The following RARB variants were observed in gnomAD, a reference collection of about 807,000 sequenced individuals.
RARB encodes HBV-activated protein.
In RARB, 17 loss-of-function variants were observed where a neutral mutation model predicts 51.9. The ratio of observed to expected loss-of-function variants is 0.33; its 90% CI spans 0.22 to 0.49. The LOEUF (loss-of-function observed/expected upper bound fraction) is 0.49. RARB is among the 20% of genes least tolerant of loss of function. The pLI is 0.99. For synonymous variants in RARB, 215 were observed against 195.4 expected, an observed-to-expected ratio of 1.10 and a Z score of -0.84; for missense variants, 369 against 550.8, an observed-to-expected ratio of 0.67 and a Z score of 3.30.
At chr3:24,890,179 G>A (rs1241937855) in intron 2 of RARB, among the ~76,000 whole-genome samples, 1 of 152,166 alleles carries the variant, frequency 6.6e-6, no homozygotes, top group African/African-American at 2.4e-5. Flanking sequence ...CTAAAAGCAC[G>A]AGTCTTTAAA....
chr3:25,311,415 T>G (rs1239012290), intron 5 of RARB, among the ~76,000 whole-genome samples: 1 of 152,242 alleles, frequency 6.6e-6, no homozygotes, highest in Non-Finnish European at 1.5e-5. Flanking sequence ...AAGGATATCT[T>G]CATATCCTCC....
chr3:24,847,922 T>G (rs1702506084), intron 1 of RARB, among the ~76,000 whole-genome samples: 1 of 152,202 alleles, frequency 6.6e-6, no homozygotes, highest in East Asian at 1.9e-4. Context: ...CATAGCCACT[T>G]CAACTGTAAG....
chr3:24,848,818 C>A (rs537801509), intron 1 of RARB, among the ~76,000 whole-genome samples: 4 of 152,342 alleles, frequency 2.6e-5, no homozygotes, highest in East Asian at 1.9e-4. Flanking sequence ...CTTAGTGTGA[C>A]CTTTCAGGCT....
intron 3 of RARB, among the ~76,000 whole-genome samples, chr3:25,559,109 C>T (rs1242844458): frequency 6.6e-6 from 1 of 152,084 alleles, no homozygotes; most frequent in Non-Finnish European, 1.5e-5. Flanking sequence ...CTTTAAAGGC[C>T]ACCGCAAACC....
At chr3:25,375,103 G>A (rs1342673633) in intron 5 of RARB, among the ~76,000 whole-genome samples, 1 of 152,126 alleles carries the variant, frequency 6.6e-6, no homozygotes, top group Non-Finnish European at 1.5e-5. Flanking sequence ...CACGGTGCTA[G>A]CCACCAAAAC....
At chr3:25,314,583 A>G (rs1704371193) in intron 5 of RARB, among the ~76,000 whole-genome samples, 2 of 152,206 alleles carry the variant, frequency 1.3e-5, no homozygotes, top group South Asian at 4.1e-4. Context: ...GTGGATTACT[A>G]CAGTCCATTC....
At chr3:25,156,526 A>G (rs1202768054) in intron 4 of RARB, among the ~76,000 whole-genome samples, 1 of 119,804 alleles carries the variant, frequency 8.3e-6, no homozygotes, top group Non-Finnish European at 2.0e-5. Flanking sequence ...CAAAAAAAAA[A>G]AAAAAAAAAA....
intron 4 of RARB, among the ~76,000 whole-genome samples, chr3:25,159,092 G>A (rs73145366): frequency 0.013 from 1,916 of 147,628 alleles, 40 homozygotes; most frequent in African/African-American, 0.045. Context: ...TGAGAATATA[G>A]TAATGTCTCT....
intron 4 of RARB, 76 bp from the exon 5 acceptor site, chr3:25,580,470 G>A: frequency 7.4e-7 from 1 of 1,352,270 alleles, no homozygotes; most frequent in Non-Finnish European, 1.0e-6. Context: ...CCCTCTAATT[G>A]GAAACACATT....
intron 3 of RARB, among the ~76,000 whole-genome samples, chr3:25,511,434 C>T (rs1375254932): frequency 9.9e-5 from 15 of 152,002 alleles, no homozygotes; most frequent in Admixed American, 9.8e-4. Flanking sequence ...CCCAGCCAAC[C>T]CTGTTTATTT....
At chr3:25,534,923 T>C (rs796902423) in intron 3 of RARB, among the ~76,000 whole-genome samples, 2 of 152,340 alleles carry the variant, frequency 1.3e-5, no homozygotes, top group African/African-American at 4.8e-5. Flanking sequence ...TGTGTCATTC[T>C]GAAGCCCAGA....
chr3:25,303,909 G>A (rs996890305), intron 5 of RARB, among the ~76,000 whole-genome samples: 7 of 152,134 alleles, frequency 4.6e-5, no homozygotes, highest in Non-Finnish European at 1.0e-4. Flanking sequence ...GTTTAATGAG[G>A]CTTGTGAATA....
intron 5 of RARB, among the ~76,000 whole-genome samples, chr3:25,181,171 C>T (rs1700853041): frequency 6.6e-6 from 1 of 152,148 alleles, no homozygotes; most frequent in South Asian, 2.1e-4. Flanking sequence ...TGCATTCCTA[C>T]TGAGAAGTCA....
intron 3 of RARB, among the ~76,000 whole-genome samples, chr3:25,114,083 A>G (rs1322524589): frequency 6.6e-6 from 1 of 152,214 alleles, no homozygotes; most frequent in Non-Finnish European, 1.5e-5. Context: ...GGGCATTTCA[A>G]AAGAATGCAA....
intron 3 of RARB, among the ~76,000 whole-genome samples, chr3:25,556,002 C>G (rs577648685): frequency 1.8e-5 from 2 of 113,452 alleles, no homozygotes; most frequent in African/African-American, 7.4e-5. Flanking sequence ...TCTTGGACAT[C>G]TTGTATTTTT....
intron 2 of RARB, among the ~76,000 whole-genome samples, chr3:24,980,530 C>T (rs1382040939): frequency 2.0e-5 from 3 of 152,206 alleles, no homozygotes; most frequent in Admixed American, 6.5e-5. Flanking sequence ...CGATCAAATT[C>T]GATCCTTTCT....
At chr3:24,878,441 C>G (rs998241263) in intron 2 of RARB, among the ~76,000 whole-genome samples, 1 of 151,844 alleles carries the variant, frequency 6.6e-6, no homozygotes, top group East Asian at 1.9e-4. Flanking sequence ...CCTTGGTTGA[C>G]TGCTTATGAT....
intron 5 of RARB, among the ~76,000 whole-genome samples, chr3:25,252,506 C>G (rs913123212): frequency 1.3e-5 from 2 of 152,222 alleles, no homozygotes; most frequent in African/African-American, 4.8e-5. Context: ...TTATTTAGGT[C>G]TTCTTTAACT....
chr3:25,435,796 A>G (rs182600727), intron 1 of RARB, among the ~76,000 whole-genome samples: 18 of 152,332 alleles, frequency 1.2e-4, no homozygotes, highest in Non-Finnish European at 1.8e-4. Context: ...TTTGGAATGG[A>G]TGATTTCACA....
Sources: allele counts gnomAD v4.1 joint callset (sites outside exome capture counted in the v4.1 genomes callset), GRCh38; gene constraint gnomAD v4.1.1; transcripts MANE v1.5; gene names NCBI Gene and HGNC (gene_info 2026-07-23, HGNC 2026-07-21).